TUSC3: variants seen among roughly 807,000 people sequenced by gnomAD.
TUSC3 encodes tumor suppressor candidate 3.
TUSC3 carries 45 observed loss-of-function variants against 44.8 expected under a neutral mutation model. The ratio of observed to expected loss-of-function variants is 1.00; its 90% CI spans 0.79 to 1.29. The LOEUF (loss-of-function observed/expected upper bound fraction) is 1.29, where lower values mean the gene tolerates loss of function less well. Ranked by LOEUF, TUSC3 falls within the 50% of genes most tolerant of loss-of-function variation. The probability of loss-of-function intolerance (pLI) is 0.00; values close to 1 mark genes in which losing one functional copy is unlikely to be tolerated. For missense variants in TUSC3, 519 were observed against 437.9 expected, an observed-to-expected ratio of 1.19 and a Z score of -1.65; for synonymous variants, 212 against 152.9, an observed-to-expected ratio of 1.39 and a Z score of -2.85.
At chr8:15,586,248 T>G (rs1370460723) in intron 1 of TUSC3, among the ~76,000 whole-genome samples, 1 of 152,096 alleles carries the variant, frequency 6.6e-6, no homozygotes, top group African/African-American at 2.4e-5. Flanking sequence ...AGAAGTGAAT[T>G]CAAGGTGAAA....
At chr8:15,720,906 C>A (rs1810277098) in intron 6 of TUSC3, among the ~76,000 whole-genome samples, 2 of 152,068 alleles carry the variant, frequency 1.3e-5, no homozygotes, top group African/African-American at 4.8e-5. Context: ...GAGTAATTCC[C>A]TGGCCACCCA....
intron 6 of TUSC3, among the ~76,000 whole-genome samples, chr8:15,708,435 A>C (rs1293495854): frequency 6.6e-6 from 1 of 151,940 alleles, no homozygotes; most frequent in Non-Finnish European, 1.5e-5. Flanking sequence ...CACAAAACTG[A>C]AAGACTTAAA....
chr8:15,556,253 G>C lies in TUSC3; in HGVS notation c.138+15685G>C, dbSNP rs551594662. 2.8e-3 allele frequency among the ~76,000 whole-genome samples: 411 copies of C among 145,006 alleles called. 1 individual carries two copies. The highest frequency in any genetic ancestry group is 9.7e-3 in the African/African-American group (385 of 39,620). Reference sequence around the variant, plus strand: ...TCCCCACCTATGAGTGAGAATATGCGGTGTTTGGTTTTTTGTTCTTGAGAT... The same window carrying C: ...TCCCCACCTATGAGTGAGAATATGCCGTGTTTGGTTTTTTGTTCTTGAGAT... On this transcript the variant is annotated intron_variant, in intron 1 of 10. Transcript: ENST00000503731.
intron 1 of TUSC3, among the ~76,000 whole-genome samples, chr8:15,456,641 G>T (rs1316820451): frequency 6.6e-6 from 1 of 151,950 alleles, no homozygotes. Context: ...AGGGAAAAAA[G>T]GACTTTTTAT....
intron 9 of TUSC3, among the ~76,000 whole-genome samples, chr8:15,750,443 T>C (rs1214918389): frequency 6.6e-6 from 1 of 152,084 alleles, no homozygotes; most frequent in Non-Finnish European, 1.5e-5. Context: ...GAAAAAAATA[T>C]TTTACTAGTT....
At chr8:15,440,950 A>C (rs1800013169) in intron 1 of TUSC3, among the ~76,000 whole-genome samples, 2 of 152,198 alleles carry the variant, frequency 1.3e-5, no homozygotes, top group Non-Finnish European at 2.9e-5. Flanking sequence ...ATTTCTAGTA[A>C]GTTTTGCGGG....
the TUSC3 span, among the ~76,000 whole-genome samples, chr8:15,778,133 A>G: frequency 6.6e-6 from 1 of 151,112 alleles, no homozygotes; most frequent in South Asian, 2.1e-4. Context: ...AAAACAAACC[A>G]CCACCGGCTA....
chr8:15,716,913 A>G (rs1054146942), intron 6 of TUSC3, among the ~76,000 whole-genome samples: 4 of 152,120 alleles, frequency 2.6e-5, no homozygotes, highest in African/African-American at 9.7e-5. Context: ...TTAAAAAAAT[A>G]GAGAATTGTA....
chr8:15,836,565 T>C, the TUSC3 span, among the ~76,000 whole-genome samples: 2 of 152,230 alleles, frequency 1.3e-5, no homozygotes, highest in South Asian at 4.1e-4. Flanking sequence ...CTCCCTGTAG[T>C]CTAAATACGT....
At chr8:15,612,226 A>G (rs1804794112) in intron 1 of TUSC3, among the ~76,000 whole-genome samples, 1 of 152,170 alleles carries the variant, frequency 6.6e-6, no homozygotes, top group African/African-American at 2.4e-5. Context: ...TGTGACTGGT[A>G]AACAAACACG....
chr8:15,480,494 C>G (rs966007388), intron 1 of TUSC3, among the ~76,000 whole-genome samples: 6 of 152,204 alleles, frequency 3.9e-5, no homozygotes, highest in African/African-American at 1.4e-4. Flanking sequence ...AGTACAACTT[C>G]TAGTTGAGTA....
chr8:15,446,560 C>T (rs900003128), intron 1 of TUSC3, among the ~76,000 whole-genome samples: 6 of 152,056 alleles, frequency 3.9e-5, no homozygotes, highest in African/African-American at 1.4e-4. Context: ...ACCCCGTCTC[C>T]ACCAAAAAAT....
At chr8:15,515,696 C>G (rs971242489) in intron 2 of TUSC3, among the ~76,000 whole-genome samples, 19 of 151,976 alleles carry the variant, frequency 1.3e-4, no homozygotes, top group African/African-American at 3.4e-4. Context: ...GAGACGGAGT[C>G]TCACTCTGTC....
At chr8:15,654,745 C>G (rs568941379) in intron 3 of TUSC3, among the ~76,000 whole-genome samples, 3 of 151,834 alleles carry the variant, frequency 2.0e-5, no homozygotes, top group African/African-American at 7.3e-5. Context: ...TGCAGTGAGC[C>G]GAGATCGTGC....
At chr8:15,753,767 T>C (rs920300601) in intron 9 of TUSC3, among the ~76,000 whole-genome samples, 4 of 152,048 alleles carry the variant, frequency 2.6e-5, no homozygotes, top group African/African-American at 9.7e-5. Flanking sequence ...CAGAGATATA[T>C]AGCAGAGATT....
chr8:15,627,645 G>GC (rs1805575338), intron 2 of TUSC3, among the ~76,000 whole-genome samples: 1 of 152,236 alleles, frequency 6.6e-6, no homozygotes, highest in Non-Finnish European at 1.5e-5. Flanking sequence ...GGTTTCTGGT[G>GC]TCTCCAAGCT....
intron 1 of TUSC3, among the ~76,000 whole-genome samples, chr8:15,542,268 G>C (rs942062085): frequency 6.6e-6 from 1 of 152,118 alleles, no homozygotes; most frequent in Non-Finnish European, 1.5e-5. Flanking sequence ...AGAAAGGAAT[G>C]TGGAGACCAT....
chr8:15,553,122 T>A (rs1030044117), intron 1 of TUSC3, among the ~76,000 whole-genome samples: 3 of 151,722 alleles, frequency 2.0e-5, no homozygotes, highest in African/African-American at 7.2e-5. Context: ...AACATGTTCG[T>A]GTTTGAGAAT....
At chr8:15,617,132 G>GTA (rs1554460223) in intron 1 of TUSC3, among the ~76,000 whole-genome samples, 20 of 77,646 alleles carry the variant, frequency 2.6e-4, no homozygotes, top group South Asian at 8.4e-4. Flanking sequence ...GTGTGTGTGT[G>GTA]TATATATTTT....
Sources: allele counts gnomAD v4.1 joint callset (sites outside exome capture counted in the v4.1 genomes callset), GRCh38; gene constraint gnomAD v4.1.1; transcripts MANE v1.5; gene names NCBI Gene and HGNC (gene_info 2026-07-23, HGNC 2026-07-21).